The following DCK variants were observed in gnomAD, a reference collection of about 807,000 sequenced individuals.
DCK encodes the protein deoxyadenosine kinase.
Under a neutral mutation model 38.3 loss-of-function variants are expected in DCK, and 23 were observed. The ratio of observed to expected loss-of-function variants is 0.60; its 90% confidence interval spans 0.43 to 0.85. The LOEUF (loss-of-function observed/expected upper bound fraction) is 0.85. Ranked by LOEUF, DCK falls within the 40% of genes least tolerant of loss-of-function variation. The pLI is 0.00. For missense variants in DCK, 259 were observed against 304.4 expected (o/e 0.85, Z 1.11); for synonymous variants, 108 against 100.6 (o/e 1.07, Z -0.44).
rs188565201 is a variant in DCK at position 71,019,021 on chromosome 4, T to C, written c.208-3346T>C. ...ATTTATAATTGCATACAAAAAACCC[T>C]AGCAATTTGTCTCAAATTTCATGCA... On this transcript the variant is annotated intron_variant, in intron 2 of 6. Coordinates refer to ENST00000286648, the MANE Select transcript of DCK (RefSeq NM_000788.3). Among the ~76,000 whole-genome samples the C allele has an allele frequency of 5.8e-3, 890 of 152,288 alleles. 36 individuals are homozygous for C. Among genetic ancestry groups the C allele is most frequent in the Admixed American group, 0.052 (801 of 15,294 alleles).
At chr4:71,006,048 C>T (rs1378480744) in intron 2 of DCK, among the ~76,000 whole-genome samples, 1 of 147,126 alleles carries the variant, frequency 6.8e-6, no homozygotes, top group Non-Finnish European at 1.5e-5. Flanking sequence ...ATTGCTTGAA[C>T]CCGGGAGGTG....
intron 4 of DCK, 21 bp downstream of exon 4, chr4:71,023,727 G>GT: frequency 6.3e-7 from 1 of 1,591,314 alleles, no homozygotes; most frequent in South Asian, 1.1e-5. Context: ...ATAAAAATGT[G>GT]TTTCACTGAA....
At chr4:71,000,248 A>T (rs1344143103) in intron 2 of DCK, among the ~76,000 whole-genome samples, 1 of 152,192 alleles carries the variant, frequency 6.6e-6, no homozygotes, top group Non-Finnish European at 1.5e-5. Flanking sequence ...ATGGCTAGCC[A>T]GTTTTCCCAG....
chr4:71,009,623 G>A (rs193005611), intron 2 of DCK, among the ~76,000 whole-genome samples: 499 of 152,082 alleles, frequency 3.3e-3, no homozygotes, highest in Non-Finnish European at 3.6e-3. Flanking sequence ...TTATCAGGCC[G>A]TTTATTGTAA....
chr4:71,022,677 T>A (rs2148919112), intron 3 of DCK, 117 bp downstream of exon 3: 1 of 539,084 alleles, frequency 1.9e-6, no homozygotes, highest in Non-Finnish European at 2.9e-6. Context: ...GCTGGGGATT[T>A]AAGATGGAAA....
At chr4:71,021,274 A>AGGTAG (rs1740417537) in intron 2 of DCK, among the ~76,000 whole-genome samples, 1 of 151,126 alleles carries the variant, frequency 6.6e-6, no homozygotes. Flanking sequence ...ACGGGGTTTC[A>AGGTAG]CCTTGTTAGC....
intron 2 of DCK, among the ~76,000 whole-genome samples, chr4:71,002,917 C>T (rs1240443241): frequency 1.3e-5 from 2 of 151,976 alleles, no homozygotes; most frequent in Non-Finnish European, 2.9e-5. Context: ...TCTAATTTGC[C>T]ACTCTGTGTC....
chr4:71,006,361 T>C (rs1478266607), intron 2 of DCK: 5 of 717,960 alleles, frequency 7.0e-6, no homozygotes, highest in Non-Finnish European at 8.5e-6. Context: ...AATACCAAAA[T>C]GTATGGTTGT....
At chr4:71,023,495 CT>C (rs1469934071) in intron 3 of DCK, 63 bp from the exon 4 acceptor site, 22 of 1,110,342 alleles carry the variant, frequency 2.0e-5, no homozygotes, top group Non-Finnish European at 2.8e-5. Context: ...TTCCTGTTCT[CT>C]TTTTTATTTC....
intron 2 of DCK, among the ~76,000 whole-genome samples, chr4:71,005,657 C>G (rs1201975110): frequency 6.6e-6 from 1 of 151,544 alleles, no homozygotes; most frequent in African/African-American, 2.4e-5. Context: ...CAAGCATGGG[C>G]CACCATGCCT....
rs760556349 is a variant in DCK at position 71,025,942 on chromosome 4, T to C, written c.665+11T>C. The C allele has an allele frequency of 1.1e-5, 17 of 1,565,198 alleles. 1 individual carries two copies. In the South Asian group the frequency reaches 1.9e-4, roughly 17 times the overall value. ...GCATAGGACACTGAAGTAAGACTTA[T>C]TTTTATTTACTATTCATTTTAAATA... On this transcript the variant is annotated intron_variant, in intron 5 of 6. Coordinates refer to ENST00000286648, the MANE Select transcript of DCK (RefSeq NM_000788.3).
chr4:71,017,817 A>C (rs1293859526), intron 2 of DCK, among the ~76,000 whole-genome samples: 1 of 150,766 alleles, frequency 6.6e-6, no homozygotes, highest in Non-Finnish European at 1.5e-5. Context: ...ATTAGGAGAA[A>C]TACCTAATGT....
chr4:71,029,424 C>CCT lies in DCK; in HGVS notation c.*46_*47insCT, dbSNP rs1469835965. 7.1e-7 allele frequency: 1 copy of CCT among 1,399,540 alleles called. No individual in the cohort carries two copies. Among genetic ancestry groups the CCT allele is most frequent in the Non-Finnish European group, 1.0e-6 (1 of 987,598 alleles). 86.7% of individuals were successfully genotyped at this position (1,399,540 alleles called of 1,614,324 possible). A position where few individuals can be genotyped will look rare whatever the true frequency, so the allele number is the denominator to read the frequency against. On this transcript the variant is annotated 3_prime_UTR_variant, in exon 7 of 7. Transcript: ENST00000286648. ...AGCCAAATGGTTCCAGATACTTCAG[C>CCT]TTTGTGTATCTTCGTAACTTCATAT...
intron 2 of DCK, among the ~76,000 whole-genome samples, chr4:70,999,629 C>G (rs560098898): frequency 1.3e-5 from 2 of 152,330 alleles, no homozygotes; most frequent in South Asian, 4.1e-4. Context: ...CTAATTTACA[C>G]TCCCACTAAC....
intron 2 of DCK, among the ~76,000 whole-genome samples, chr4:71,006,133 CAAAAA>C (rs67497388): frequency 1.9e-5 from 2 of 104,336 alleles, no homozygotes; most frequent in Non-Finnish European, 3.7e-5. Context: ...ACAAAAACAC[CAAAAA>C]AAAAAAAAAA....
At chr4:71,028,680 C>G in intron 6 of DCK, 1 of 446,142 alleles carries the variant, frequency 2.2e-6, no homozygotes, top group Non-Finnish European at 4.5e-6. Context: ...ACTGCCATCT[C>G]CACCTCCCAG....
At chr4:71,021,257 A>C (rs1740417141) in intron 2 of DCK, among the ~76,000 whole-genome samples, 1 of 150,612 alleles carries the variant, frequency 6.6e-6, no homozygotes, top group East Asian at 2.0e-4. Flanking sequence ...TTGTATTTTT[A>C]GTAGAGACGG....
rs112039606 is a variant in DCK, at chr4:71,010,939, C to CT, written c.208-11413dup. 4.7e-3 allele frequency among the ~76,000 whole-genome samples: 664 copies of CT among 141,384 alleles called. 5 individuals carry two copies. The highest frequency in any genetic ancestry group is 0.012 in the African/African-American group (471 of 38,950). 92.8% of individuals were successfully genotyped at this position (141,384 alleles called of 152,430 possible). A position where few individuals can be genotyped will look rare whatever the true frequency, so the allele number is the denominator to read the frequency against. On this transcript the variant is annotated intron_variant, in intron 2 of 6. Coordinates refer to ENST00000286648, the MANE Select transcript of DCK (RefSeq NM_000788.3). Reference sequence around the variant, plus strand: ...TATTTTTTACTTTTAATAAGTCATTCTTTTTTTTTTTTTTTGAGACGGAGT... The same window carrying CT: ...TATTTTTTACTTTTAATAAGTCATTCTTTTTTTTTTTTTTTTGAGACGGAGT...
At chr4:71,021,046 A>G (rs1740399548) in intron 2 of DCK, among the ~76,000 whole-genome samples, 3 of 150,450 alleles carry the variant, frequency 2.0e-5, no homozygotes, top group Admixed American at 2.0e-4. Flanking sequence ...AAAATAATTC[A>G]TGTGTTCCAG....
Sources: gnomAD v4.1 joint callset for allele counts (sites outside exome capture counted in the v4.1 genomes callset) on GRCh38, gnomAD v4.1.1 for gene constraint, MANE v1.5 for transcripts, NCBI Gene and HGNC (gene_info 2026-07-23, HGNC 2026-07-21) for gene names.